The following IMMP2L variants were observed in gnomAD, a reference collection of about 807,000 sequenced individuals.
IMMP2L encodes inner mitochondrial membrane peptidase subunit 2.
In IMMP2L, 18 loss-of-function variants were observed where a neutral mutation model predicts 19.3. The ratio of observed to expected loss-of-function variants is 0.93; its 90% confidence interval spans 0.64 to 1.38. IMMP2L has a LOEUF of 1.38. Ranked by LOEUF, IMMP2L falls within the 40% of genes most tolerant of loss-of-function variation. The pLI is 0.00. For missense variants in IMMP2L, 233 were observed against 218.2 expected (o/e 1.07, Z -0.43); for synonymous variants, 76 against 73.0 (o/e 1.04, Z -0.21).
chr7:111,034,683 G>A (rs1037360777), intron 3 of IMMP2L, among the ~76,000 whole-genome samples: 1 of 152,064 alleles, frequency 6.6e-6, no homozygotes, highest in Non-Finnish European at 1.5e-5. Context: ...TGTATTTTAT[G>A]TCTAATAATT....
intron 4 of IMMP2L, among the ~76,000 whole-genome samples, chr7:110,904,122 G>T (rs1308277166): frequency 6.6e-6 from 1 of 151,986 alleles, no homozygotes; most frequent in African/African-American, 2.4e-5. Context: ...ATATTTTAGA[G>T]ACTAACCCCG....
intron 3 of IMMP2L, among the ~76,000 whole-genome samples, chr7:111,102,467 T>C (rs895003155): frequency 2.0e-5 from 3 of 151,604 alleles, no homozygotes; most frequent in African/African-American, 2.4e-5. Context: ...AGATTGTCAT[T>C]TTATTGACAG....
chr7:110,767,999 A>G (rs959733028), intron 5 of IMMP2L, among the ~76,000 whole-genome samples: 1 of 152,194 alleles, frequency 6.6e-6, no homozygotes, highest in Non-Finnish European at 1.5e-5. Flanking sequence ...ATAGCAGTAA[A>G]CTAGTGTGCA....
At chr7:111,059,771 G>A (rs1413541193) in intron 3 of IMMP2L, among the ~76,000 whole-genome samples, 1 of 152,092 alleles carries the variant, frequency 6.6e-6, no homozygotes, top group Non-Finnish European at 1.5e-5. Flanking sequence ...TAATATCCTT[G>A]CCTTCTCATG....
intron 3 of IMMP2L, among the ~76,000 whole-genome samples, chr7:111,200,180 G>A (rs214454): frequency 0.47 from 71,885 of 151,782 alleles, 17,323 homozygotes; most frequent in Non-Finnish European, 0.52. Context: ...TTACTTTTCT[G>A]TATCCTTTCT....
intron 3 of IMMP2L, among the ~76,000 whole-genome samples, chr7:110,975,565 C>T (rs1585541131): frequency 6.6e-6 from 1 of 152,098 alleles, no homozygotes; most frequent in Non-Finnish European, 1.5e-5. Context: ...TCTTAACTGC[C>T]AACTAATAAA....
chr7:110,733,436 T>C (rs1239111789), intron 5 of IMMP2L, among the ~76,000 whole-genome samples: 1 of 150,662 alleles, frequency 6.6e-6, no homozygotes, highest in Non-Finnish European at 1.5e-5. Context: ...TCTACTTCAC[T>C]GACAAGAGAG....
chr7:111,358,096 G>T (rs1828896748), intron 3 of IMMP2L, among the ~76,000 whole-genome samples: 1 of 150,430 alleles, frequency 6.6e-6, no homozygotes, highest in Non-Finnish European at 1.5e-5. Context: ...TAATCATTTG[G>T]CTTGTTTTTG....
intron 3 of IMMP2L, among the ~76,000 whole-genome samples, chr7:111,142,104 T>C (rs1562846368): frequency 6.6e-6 from 1 of 152,222 alleles, no homozygotes; most frequent in East Asian, 1.9e-4. Context: ...GGTAGGCAGA[T>C]GACCTGAGAT....
In IMMP2L at chr7:110,882,376, CCTCT is replaced by C. The variant is rs1324993650; in HGVS notation, c.408+4213_408+4216del. Among the ~76,000 whole-genome samples, 5 of 136,742 alleles carry C rather than the reference CCTCT, an allele frequency of 3.7e-5. 2 individuals are homozygous for C. The highest frequency in any genetic ancestry group is 3.6e-4 in the Admixed American group (5 of 13,938). 89.7% of individuals were successfully genotyped at this position (136,742 alleles called of 152,430 possible). A position where few individuals can be genotyped will look rare whatever the true frequency, so the allele number is the denominator to read the frequency against. On this transcript the variant is annotated intron_variant, in intron 5 of 5. Transcript: ENST00000405709. ...CTCTCCCTCTCTCTCTCTCTCTCTC[CCTCT>C]CTCTCTCTCTTTCTTTCTTGACAGA...
At chr7:111,369,005 C>G (rs980999164) in intron 3 of IMMP2L, among the ~76,000 whole-genome samples, 6 of 151,696 alleles carry the variant, frequency 4.0e-5, no homozygotes, top group African/African-American at 1.5e-4. Context: ...TAGAAAGGAC[C>G]AAAGATTTCA....
intron 2 of IMMP2L, among the ~76,000 whole-genome samples, chr7:111,500,277 G>C (rs528320432): frequency 6.6e-6 from 1 of 152,126 alleles, no homozygotes; most frequent in African/African-American, 2.4e-5. Flanking sequence ...TGCCATTGCC[G>C]AGGCTCGATT....
intron 3 of IMMP2L, among the ~76,000 whole-genome samples, chr7:111,067,554 G>C (rs982100723): frequency 6.6e-6 from 1 of 152,146 alleles, no homozygotes; most frequent in African/African-American, 2.4e-5. Flanking sequence ...CTTTGGAAAA[G>C]CACATTTGTA....
intron 3 of IMMP2L, among the ~76,000 whole-genome samples, chr7:111,420,408 CTT>C (rs1214020410): frequency 6.6e-6 from 1 of 151,580 alleles, no homozygotes; most frequent in East Asian, 1.9e-4. Context: ...ACAGGTGAAA[CTT>C]TCTTTTTTTT....
chr7:111,522,460 T>C (rs558990564), intron 1 of IMMP2L, among the ~76,000 whole-genome samples: 5 of 152,046 alleles, frequency 3.3e-5, no homozygotes, highest in East Asian at 3.9e-4. Flanking sequence ...AACAATTCAA[T>C]AGCAAAAAGA....
intron 3 of IMMP2L, among the ~76,000 whole-genome samples, chr7:111,379,231 A>G (rs911965076): frequency 3.3e-5 from 5 of 149,316 alleles, no homozygotes; most frequent in African/African-American, 1.2e-4. Context: ...AAAAAGTCCT[A>G]TTAAAGATAA....
intron 3 of IMMP2L, among the ~76,000 whole-genome samples, chr7:111,181,584 A>T (rs1184107404): frequency 6.6e-6 from 1 of 152,004 alleles, no homozygotes; most frequent in Non-Finnish European, 1.5e-5. Context: ...AACTCAAATG[A>T]CCAATAAGAG....
intron 3 of IMMP2L, among the ~76,000 whole-genome samples, chr7:111,083,309 T>G (rs1796039320): frequency 6.6e-6 from 1 of 152,182 alleles, no homozygotes; most frequent in South Asian, 2.1e-4. Context: ...TGATATAATG[T>G]TTGCCTTTGA....
intron 3 of IMMP2L, among the ~76,000 whole-genome samples, chr7:111,288,845 T>C (rs766999059): frequency 7.2e-5 from 11 of 152,164 alleles, no homozygotes; most frequent in Non-Finnish European, 1.6e-4. Flanking sequence ...TCAACTATTG[T>C]GGAACACAGT....
Sources: allele counts gnomAD v4.1 joint callset (sites outside exome capture counted in the v4.1 genomes callset), GRCh38; gene constraint gnomAD v4.1.1; transcripts MANE v1.5; gene names NCBI Gene and HGNC (gene_info 2026-07-23, HGNC 2026-07-21).